The following CA10 variants were observed in gnomAD, a reference collection of about 807,000 sequenced individuals.
CA10 encodes carbonic anhydrase 10 (inactive).
In CA10, 14 loss-of-function variants were observed where a neutral mutation model predicts 44.2. That is an observed-to-expected ratio of 0.32 (90% CI 0.21 to 0.50). CA10 has a LOEUF of 0.50. Among genes scored for constraint, CA10 ranks in the 20% least tolerant of loss-of-function variants. CA10 has a pLI of 0.99. For synonymous variants in CA10, 159 were observed against 141.6 expected (o/e 1.12, Z -0.87); for missense variants, 350 against 409.7 (o/e 0.85, Z 1.26).
At chr17:52,096,660 T>C (rs1233792468) in intron 1 of CA10, among the ~76,000 whole-genome samples, 1 of 152,204 alleles carries the variant, frequency 6.6e-6, no homozygotes, top group Non-Finnish European at 1.5e-5. Flanking sequence ...TTTTGCTAAA[T>C]GTACTAAGAT....
intron 2 of CA10, among the ~76,000 whole-genome samples, chr17:52,004,396 C>T (rs1234485066): frequency 6.6e-6 from 1 of 151,836 alleles, no homozygotes; most frequent in Non-Finnish European, 1.5e-5. Flanking sequence ...ATCAGAACAA[C>T]AAAATTACCC....
intron 4 of CA10, among the ~76,000 whole-genome samples, chr17:51,741,709 T>C (rs1023679540): frequency 6.6e-6 from 1 of 152,204 alleles, no homozygotes; most frequent in African/African-American, 2.4e-5. Flanking sequence ...GATGAATAGG[T>C]CTTGTCCTTA....
intron 3 of CA10, among the ~76,000 whole-genome samples, chr17:51,782,673 C>T (rs1233881647): frequency 6.6e-6 from 1 of 152,232 alleles, no homozygotes; most frequent in African/African-American, 2.4e-5. Flanking sequence ...GCTGTCTCTC[C>T]TCCAGTGTGT....
intron 3 of CA10, among the ~76,000 whole-genome samples, chr17:51,800,806 T>A (rs188211793): frequency 6.6e-6 from 1 of 152,338 alleles, no homozygotes; most frequent in East Asian, 1.9e-4. Context: ...ACTGAGTAGA[T>A]CTTTCTGTCT....
At chr17:51,670,622 A>G (rs963371469) in intron 4 of CA10, among the ~76,000 whole-genome samples, 9 of 151,712 alleles carry the variant, frequency 5.9e-5, no homozygotes, top group Non-Finnish European at 8.8e-5. Flanking sequence ...CTCTGGATTT[A>G]TCTGTAGCAT....
intron 4 of CA10, among the ~76,000 whole-genome samples, chr17:51,712,701 G>T (rs908761089): frequency 6.6e-6 from 1 of 152,322 alleles, no homozygotes; most frequent in South Asian, 2.1e-4. Context: ...CCAATATAGT[G>T]TGCAGGTCAG....
chr17:52,033,105 G>A (rs192534099), intron 2 of CA10, among the ~76,000 whole-genome samples: 10 of 152,254 alleles, frequency 6.6e-5, no homozygotes, highest in East Asian at 5.8e-4. Context: ...AAATTTTTGC[G>A]TTGGGTCATG....
chr17:52,096,729 C>G (rs749778396), intron 1 of CA10, among the ~76,000 whole-genome samples: 1 of 152,150 alleles, frequency 6.6e-6, no homozygotes, highest in Non-Finnish European at 1.5e-5. Flanking sequence ...TATGCTTTCT[C>G]TTTCTCTCCC....
At chr17:52,125,178 G>A (rs937816431) in intron 1 of CA10, among the ~76,000 whole-genome samples, 2 of 152,224 alleles carry the variant, frequency 1.3e-5, no homozygotes, top group Admixed American at 6.5e-5. Context: ...CAGCGTTGGT[G>A]TCAGTCTTCC....
At chr17:51,696,784 C>G (rs1915417618) in intron 4 of CA10, among the ~76,000 whole-genome samples, 1 of 152,106 alleles carries the variant, frequency 6.6e-6, no homozygotes, top group Admixed American at 6.6e-5. Flanking sequence ...CATGTTCTGT[C>G]TCTGTGTTTA....
intron 3 of CA10, among the ~76,000 whole-genome samples, chr17:51,845,185 C>A (rs143416409): frequency 9.2e-5 from 14 of 152,274 alleles, no homozygotes; most frequent in African/African-American, 3.4e-4. Context: ...ACAGGGAATA[C>A]TTTTTTATTG....
intron 2 of CA10, among the ~76,000 whole-genome samples, chr17:52,000,628 A>G (rs1198708892): frequency 6.6e-6 from 1 of 152,060 alleles, no homozygotes; most frequent in East Asian, 1.9e-4. Flanking sequence ...TGAAGGTCAT[A>G]TGGCTGGCAA....
At chr17:51,864,758 C>T (rs1323076816) in intron 3 of CA10, among the ~76,000 whole-genome samples, 2 of 152,074 alleles carry the variant, frequency 1.3e-5, no homozygotes, top group African/African-American at 2.4e-5. Flanking sequence ...TTTGAGTTGC[C>T]ACTCCATTAC....
intron 3 of CA10, among the ~76,000 whole-genome samples, chr17:51,833,069 G>A (rs1046892989): frequency 6.6e-6 from 1 of 152,184 alleles, no homozygotes. Context: ...TTCCAGCTGA[G>A]AGGGGTGCTG....
intron 2 of CA10, among the ~76,000 whole-genome samples, chr17:51,945,505 G>A (rs1219976321): frequency 3.3e-5 from 5 of 152,124 alleles, no homozygotes; most frequent in African/African-American, 1.2e-4. Context: ...GGGGGCTGAG[G>A]CTCTTGCATT....
intron 3 of CA10, among the ~76,000 whole-genome samples, chr17:51,874,773 A>T (rs1372781799): frequency 6.6e-6 from 1 of 152,090 alleles, no homozygotes; most frequent in African/African-American, 2.4e-5. Context: ...AGTTGAAATA[A>T]CTCTAACACC....
At chr17:51,889,513 C>T (rs1980762871) in intron 3 of CA10, among the ~76,000 whole-genome samples, 1 of 152,008 alleles carries the variant, frequency 6.6e-6, no homozygotes, top group South Asian at 2.1e-4. Flanking sequence ...GACAGTGAGG[C>T]CCTGTCTCAA....
chr17:51,763,348 C>A (rs1388803639), intron 3 of CA10: 1 of 152,166 alleles, frequency 6.6e-6, no homozygotes, highest in African/African-American at 2.4e-5. Context: ...CTCTGGTTAT[C>A]CAGCACGGGA....
intron 4 of CA10, among the ~76,000 whole-genome samples, chr17:51,745,616 G>C (rs1904651956): frequency 6.6e-6 from 1 of 152,126 alleles, no homozygotes; most frequent in Admixed American, 6.5e-5. Context: ...AAGGATTTTG[G>C]AAGCACTCAT....
Sources: gnomAD v4.1 joint callset for allele counts (sites outside exome capture counted in the v4.1 genomes callset) on GRCh38, gnomAD v4.1.1 for gene constraint, MANE v1.5 for transcripts, NCBI Gene and HGNC (gene_info 2026-07-23, HGNC 2026-07-21) for gene names.